The following KCND2 variants were observed in gnomAD, a reference collection of about 807,000 sequenced individuals.
KCND2 encodes potassium voltage-gated channel subfamily D member 2.
In KCND2, 16 loss-of-function variants were observed where a neutral mutation model predicts 54.4. The ratio of observed to expected loss-of-function variants is 0.29; its 90% confidence interval spans 0.20 to 0.45. The LOEUF is 0.45. Ranked by LOEUF, KCND2 falls within the 20% of genes least tolerant of loss-of-function variation. KCND2 has a pLI of 1.00. For synonymous variants in KCND2, 317 were observed against 310.7 expected (o/e 1.02, Z -0.21); for missense variants, 486 against 824.2 (o/e 0.59, Z 5.02).
At chr7:120,448,669 C>T (rs57401766) in intron 1 of KCND2, among the ~76,000 whole-genome samples, 1,624 of 151,878 alleles carry the variant, frequency 0.011, 31 homozygotes, top group African/African-American at 0.037. Context: ...GATGCAAAAA[C>T]CCTCAATAAA....
At chr7:120,678,511 T>A (rs1562906915) in intron 1 of KCND2, among the ~76,000 whole-genome samples, 1 of 147,466 alleles carries the variant, frequency 6.8e-6, no homozygotes, top group Non-Finnish European at 1.5e-5. Context: ...AAATATTACA[T>A]ATACATACAT....
intron 1 of KCND2, among the ~76,000 whole-genome samples, chr7:120,488,041 A>C (rs1203966061): frequency 6.6e-6 from 1 of 152,028 alleles, no homozygotes; most frequent in Non-Finnish European, 1.5e-5. Flanking sequence ...AAAACAAAAA[A>C]AAAACTGGTT....
At chr7:120,419,776 C>T (rs866286506) in intron 1 of KCND2, among the ~76,000 whole-genome samples, 31 of 151,886 alleles carry the variant, frequency 2.0e-4, no homozygotes, top group Admixed American at 5.9e-4. Flanking sequence ...ACCAAAAACA[C>T]GATAAAAAGC....
chr7:120,456,011 G>T (rs1369900895), intron 1 of KCND2, among the ~76,000 whole-genome samples: 2 of 151,932 alleles, frequency 1.3e-5, no homozygotes, highest in East Asian at 3.9e-4. Flanking sequence ...TACACTTATG[G>T]GAAATTATTA....
chr7:120,632,210 A>G (rs1793242000), intron 1 of KCND2, among the ~76,000 whole-genome samples: 1 of 152,210 alleles, frequency 6.6e-6, no homozygotes, highest in African/African-American at 2.4e-5. Context: ...GATGGTACAG[A>G]ATATCTCATA....
chr7:120,359,064 C>A (rs1800552145), intron 1 of KCND2, among the ~76,000 whole-genome samples: 1 of 152,088 alleles, frequency 6.6e-6, no homozygotes. Context: ...TATAGTGTGA[C>A]CCTTCCTATT....
intron 1 of KCND2, among the ~76,000 whole-genome samples, chr7:120,462,233 T>A (rs1425499705): frequency 2.6e-5 from 4 of 151,626 alleles, no homozygotes; most frequent in Non-Finnish European, 4.4e-5. Flanking sequence ...TGGTATGCAA[T>A]GGTCTAAAGA....
intron 1 of KCND2, among the ~76,000 whole-genome samples, chr7:120,552,377 C>A (rs781542917): frequency 1.2e-4 from 18 of 152,158 alleles, no homozygotes; most frequent in Non-Finnish European, 2.2e-4. Context: ...TATATATTTT[C>A]TTTCTACCTT....
At chr7:120,696,208 T>C (rs1792331109) in intron 1 of KCND2, among the ~76,000 whole-genome samples, 2 of 152,222 alleles carry the variant, frequency 1.3e-5, no homozygotes, top group African/African-American at 4.8e-5. Context: ...CAGACAAACA[T>C]ACTTGGTCGG....
At chr7:120,482,670 T>C (rs1224414152) in intron 1 of KCND2, among the ~76,000 whole-genome samples, 3 of 152,114 alleles carry the variant, frequency 2.0e-5, no homozygotes, top group African/African-American at 7.2e-5. Flanking sequence ...CTTCTTCCTC[T>C]CACCTTCCAC....
intron 1 of KCND2, among the ~76,000 whole-genome samples, chr7:120,518,251 AT>A (rs749672262): frequency 3.3e-5 from 5 of 152,188 alleles, no homozygotes; most frequent in Non-Finnish European, 7.4e-5. Flanking sequence ...TATTATTTCC[AT>A]CCAGAGATGT....
chr7:120,390,370 C>T lies in KCND2; in HGVS notation c.1115+114623C>T, dbSNP rs868182446. Among the ~76,000 whole-genome samples the T allele has an allele frequency of 9.9e-5, 15 of 152,040 alleles. No individual in the cohort carries two copies. The Middle Eastern group carries it at 0.017, about 172-fold the overall frequency. On this transcript the variant is annotated intron_variant, in intron 1 of 5. Transcript: ENST00000331113. ...TGAAGGTGATTATGGTGATTTCCATCATTTACGGAGGATTTACCACATGCC... is the reference window on the plus strand; with the variant it reads ...TGAAGGTGATTATGGTGATTTCCATTATTTACGGAGGATTTACCACATGCC...
chr7:120,493,752 C>G (rs962188743), intron 1 of KCND2, among the ~76,000 whole-genome samples: 7 of 152,092 alleles, frequency 4.6e-5, no homozygotes, highest in African/African-American at 7.2e-5. Flanking sequence ...GATGCACACT[C>G]ATATATTGCT....
chr7:120,678,718 T>C (rs1792101533), intron 1 of KCND2, among the ~76,000 whole-genome samples: 2 of 143,202 alleles, frequency 1.4e-5, no homozygotes, highest in African/African-American at 5.0e-5. Flanking sequence ...TTACACTATA[T>C]ATAATGTGGG....
At chr7:120,510,799 G>A (rs1584807610) in intron 1 of KCND2, among the ~76,000 whole-genome samples, 1 of 151,872 alleles carries the variant, frequency 6.6e-6, no homozygotes, top group East Asian at 1.9e-4. Context: ...TTCTACTTCA[G>A]CTTTTCTCCT....
At chr7:120,529,503 G>A (rs976503169) in intron 1 of KCND2, among the ~76,000 whole-genome samples, 7 of 152,158 alleles carry the variant, frequency 4.6e-5, no homozygotes, top group Admixed American at 1.3e-4. Context: ...AATCAAGCTA[G>A]CAGCAAAAGT....
At chr7:120,528,434 T>C (rs970549650) in intron 1 of KCND2, among the ~76,000 whole-genome samples, 1 of 152,158 alleles carries the variant, frequency 6.6e-6, no homozygotes, top group African/African-American at 2.4e-5. Flanking sequence ...TTTGGAGTTA[T>C]TAAATCAATC....
chr7:120,486,406 G>C (rs1802694011), intron 1 of KCND2, among the ~76,000 whole-genome samples: 1 of 152,070 alleles, frequency 6.6e-6, no homozygotes, highest in Non-Finnish European at 1.5e-5. Context: ...GAAAAACTCA[G>C]GAATTGTAGC....
At chr7:120,464,120 A>G in intron 1 of KCND2, 2 of 969,254 alleles carry the variant, frequency 2.1e-6, no homozygotes, top group Non-Finnish European at 1.2e-6. Context: ...CCCCCTAGCT[A>G]TCATTTAGAC....
Sources: allele counts gnomAD v4.1 joint callset (sites outside exome capture counted in the v4.1 genomes callset), GRCh38; gene constraint gnomAD v4.1.1; transcripts MANE v1.5; gene names NCBI Gene and HGNC (gene_info 2026-07-23, HGNC 2026-07-21).